TDRD3: variants seen among roughly 807,000 people sequenced by gnomAD.
TDRD3 encodes the protein tudor domain containing 3, also known as tudor domain-containing protein 3.
In TDRD3, 45 loss-of-function variants were observed where a neutral mutation model predicts 86.7. The observed-to-expected ratio is 0.52, with a 90% CI of 0.41 to 0.67. The LOEUF is 0.67. TDRD3 is among the 30% of genes least tolerant of loss of function. The pLI is 0.00. For missense variants in TDRD3, 814 were observed against 889.0 expected, an observed-to-expected ratio of 0.92 and a Z score of 1.07; for synonymous variants, 298 against 301.7, an observed-to-expected ratio of 0.99 and a Z score of 0.13.
intron 8 of TDRD3, among the ~76,000 whole-genome samples, chr13:60,497,356 C>T (rs1019514020): frequency 6.6e-6 from 1 of 152,166 alleles, no homozygotes; most frequent in Non-Finnish European, 1.5e-5. Context: ...TTGTCCCTCC[C>T]CCTGTGCTCT....
At chr13:60,527,836 C>CT (rs34239960) in intron 10 of TDRD3, among the ~76,000 whole-genome samples, 70,790 of 151,806 alleles carry the variant, frequency 0.47, 16,883 homozygotes, top group South Asian at 0.55. Context: ...AACATAAACT[C>CT]TTTTTTATAG....
At chr13:60,469,599 G>C (rs1272019888) in intron 5 of TDRD3, among the ~76,000 whole-genome samples, 1 of 152,156 alleles carries the variant, frequency 6.6e-6, no homozygotes, top group African/African-American at 2.4e-5. Context: ...ATTTTAATAT[G>C]ATTATAGTTC....
At chr13:60,484,722 A>G (rs1248347264) in intron 6 of TDRD3, 4 of 455,496 alleles carry the variant, frequency 8.8e-6, no homozygotes, top group Non-Finnish European at 1.3e-5. Flanking sequence ...AAGATAAAAG[A>G]AAGTGTGAAG....
chr13:60,566,287 T>C (rs1191733648), intron 12 of TDRD3, among the ~76,000 whole-genome samples: 1 of 152,024 alleles, frequency 6.6e-6, no homozygotes, highest in African/African-American at 2.4e-5. Context: ...AAGACTACTT[T>C]GCAGGATGTC....
At chr13:60,399,404 C>T (rs1266723552) in intron 1 of TDRD3, among the ~76,000 whole-genome samples, 4 of 152,194 alleles carry the variant, frequency 2.6e-5, no homozygotes, top group Non-Finnish European at 5.9e-5. Flanking sequence ...TAGTAATCTG[C>T]GGGGCTAAAA....
At chr13:60,470,505 T>C (rs1392268249) in intron 5 of TDRD3, among the ~76,000 whole-genome samples, 2 of 152,168 alleles carry the variant, frequency 1.3e-5, no homozygotes, top group African/African-American at 4.8e-5. Context: ...TCCAGTTTTT[T>C]ACATCCTCAC....
At chr13:60,435,514 T>C (rs923365884) in intron 1 of TDRD3, among the ~76,000 whole-genome samples, 1 of 152,202 alleles carries the variant, frequency 6.6e-6, no homozygotes, top group African/African-American at 2.4e-5. Context: ...AGTGAGAACA[T>C]TAAGTATTTG....
chr13:60,497,374 TA>T (rs1238456089), intron 8 of TDRD3, among the ~76,000 whole-genome samples: 2 of 152,182 alleles, frequency 1.3e-5, no homozygotes, highest in Non-Finnish European at 2.9e-5. Context: ...TCTCAGGTGA[TA>T]GATGATTGGC....
intron 1 of TDRD3, among the ~76,000 whole-genome samples, chr13:60,401,080 A>C (rs1202347884): frequency 6.6e-6 from 1 of 152,172 alleles, no homozygotes; most frequent in Non-Finnish European, 1.5e-5. Context: ...GAATCAAATA[A>C]ATCTTTGCCT....
intron 3 of TDRD3, among the ~76,000 whole-genome samples, chr13:60,449,485 A>T (rs1326094440): frequency 6.6e-6 from 1 of 152,110 alleles, no homozygotes; most frequent in Non-Finnish European, 1.5e-5. Flanking sequence ...AGAAATGTGG[A>T]AATTGTCAAA....
chr13:60,428,976 C>T (rs1487678492), intron 1 of TDRD3, among the ~76,000 whole-genome samples: 1 of 151,952 alleles, frequency 6.6e-6, no homozygotes, highest in Non-Finnish European at 1.5e-5. Context: ...TGGTCTCCTT[C>T]AATAGAAAAA....
At chr13:60,446,699 A>T (rs1283869309) in intron 3 of TDRD3, among the ~76,000 whole-genome samples, 3 of 152,182 alleles carry the variant, frequency 2.0e-5, no homozygotes, top group African/African-American at 7.2e-5. Context: ...AAAAATCCAT[A>T]TGTTATATAA....
At chr13:60,438,346 T>C (rs865811685) in intron 1 of TDRD3, among the ~76,000 whole-genome samples, 13 of 152,296 alleles carry the variant, frequency 8.5e-5, no homozygotes, top group Middle Eastern at 6.8e-3. Flanking sequence ...ACTTATATAC[T>C]GTCATTCCTG....
At chr13:60,474,805 A>G (rs1956149949) in intron 5 of TDRD3, among the ~76,000 whole-genome samples, 1 of 152,096 alleles carries the variant, frequency 6.6e-6, no homozygotes, top group South Asian at 2.1e-4. Context: ...TTTCTTTGGT[A>G]AAGATCAAGT....
chr13:60,498,846 A>G (rs1380511294), intron 8 of TDRD3, among the ~76,000 whole-genome samples: 1 of 152,186 alleles, frequency 6.6e-6, no homozygotes, highest in Non-Finnish European at 1.5e-5. Flanking sequence ...CAGGGGACCC[A>G]AAATGTCACT....
chr13:60,555,999 C>T (rs931967521), intron 12 of TDRD3, among the ~76,000 whole-genome samples: 7 of 151,922 alleles, frequency 4.6e-5, no homozygotes, highest in African/African-American at 7.3e-5. Flanking sequence ...TACAGGCGCC[C>T]GCCACCATGC....
In TDRD3 at chr13:60,466,734, G is replaced by A. The variant is rs574048807; in HGVS notation, c.354-504G>A. On this transcript the variant is annotated intron_variant, in intron 4 of 13. Transcript: ENST00000377881. ...ACTTGGGAGACAGAGGTTTCAGTGAGTCAAAATTGTGCCACTGCCCACTGC... is the reference window on the plus strand; with the variant it reads ...ACTTGGGAGACAGAGGTTTCAGTGAATCAAAATTGTGCCACTGCCCACTGC... Among the ~76,000 whole-genome samples the A allele has an allele frequency of 8.9e-4, 136 of 152,014 alleles. 1 individual carries two copies. Among genetic ancestry groups the A allele is most frequent in the South Asian group, 1.7e-3 (8 of 4,812 alleles).
intron 1 of TDRD3, among the ~76,000 whole-genome samples, chr13:60,409,625 C>A (rs190255923): frequency 6.6e-6 from 1 of 152,052 alleles, no homozygotes; most frequent in Admixed American, 6.6e-5. Flanking sequence ...CCCTGTAACC[C>A]CTTTGTTTTG....
At position 60,444,762 on chromosome 13, in the gene TDRD3, A is replaced by G. The variant is rs920805149; in HGVS notation, c.192+14A>G. 7.3e-5 allele frequency: 101 copies of G among 1,377,050 alleles called. No individual in the cohort carries two copies. The highest frequency in any genetic ancestry group is 1.3e-4 in the Admixed American group (5 of 39,376). The allele number at this position is 1,377,050 out of a possible 1,614,324, so 85.3% of individuals were successfully genotyped here. Reference sequence around the variant, plus strand: ...AAGGTAGAAAAGGTAAAGAAAATCAATAACTTCTTACATTAATTAATTTAG... The same window carrying G: ...AAGGTAGAAAAGGTAAAGAAAATCAGTAACTTCTTACATTAATTAATTTAG... On this transcript the variant is annotated intron_variant, in intron 3 of 13. Coordinates refer to ENST00000377881, the MANE Select transcript of TDRD3 (RefSeq NM_001146070.2).
Sources: allele counts gnomAD v4.1 joint callset (sites outside exome capture counted in the v4.1 genomes callset), GRCh38; gene constraint gnomAD v4.1.1; transcripts MANE v1.5; gene names NCBI Gene and HGNC (gene_info 2026-07-23, HGNC 2026-07-21).